NXPE2: variants seen among roughly 807,000 people sequenced by gnomAD.
NXPE2 encodes the protein NXPE family member 2.
NXPE2 carries 34 observed loss-of-function variants against 34.4 expected under a neutral mutation model. The ratio of observed to expected loss-of-function variants is 0.99; its 90% confidence interval spans 0.75 to 1.31. The LOEUF is 1.31. NXPE2 is among the 40% of genes most tolerant of loss of function. The pLI, the probability that NXPE2 is intolerant of heterozygous loss-of-function variation, is 0.00. For missense variants in NXPE2, 649 were observed against 672.5 expected (o/e 0.97, Z 0.39); for synonymous variants, 235 against 231.3 (o/e 1.02, Z -0.15).
the NXPE2 span, among the ~76,000 whole-genome samples, chr11:114,806,292 C>T: frequency 6.6e-6 from 1 of 152,214 alleles, no homozygotes; most frequent in South Asian, 2.1e-4. Context: ...GAGCGCCTCT[C>T]CTCCTCCAAA....
chr11:114,768,115 A>G, the NXPE2 span, among the ~76,000 whole-genome samples: 2 of 72,166 alleles, frequency 2.8e-5, no homozygotes, highest in African/African-American at 7.0e-5. Context: ...GTCCAGTTTC[A>G]GTTTTCTGCA....
the NXPE2 span, among the ~76,000 whole-genome samples, chr11:114,614,041 T>C: frequency 6.6e-6 from 1 of 151,862 alleles, no homozygotes; most frequent in Non-Finnish European, 1.5e-5. Flanking sequence ...TAACCACTGT[T>C]ACCCGGTGAA....
downstream of NXPE2, among the ~76,000 whole-genome samples, chr11:114,711,507 A>T (rs79418550): frequency 0.04 from 6,120 of 152,210 alleles, 357 homozygotes; most frequent in African/African-American, 0.14. Context: ...TAAGAAAACA[A>T]TCCCATTTCT....
chr11:114,560,830 C>T, the NXPE2 span, among the ~76,000 whole-genome samples: 10 of 152,124 alleles, frequency 6.6e-5, no homozygotes, highest in Non-Finnish European at 1.5e-4. Flanking sequence ...TTACTGTCTC[C>T]ATGGTTTTGA....
chr11:114,793,474 G>A, the NXPE2 span, among the ~76,000 whole-genome samples: 1 of 152,118 alleles, frequency 6.6e-6, no homozygotes, highest in Non-Finnish European at 1.5e-5. Context: ...TTATTGTTTG[G>A]AACTGACTGT....
At chr11:114,566,618 T>A in the NXPE2 span, among the ~76,000 whole-genome samples, 2 of 152,130 alleles carry the variant, frequency 1.3e-5, no homozygotes, top group African/African-American at 4.8e-5. Flanking sequence ...CAAAAAACTA[T>A]ATGTTTTCAA....
the NXPE2 span, among the ~76,000 whole-genome samples, chr11:114,665,812 T>C: frequency 6.6e-6 from 1 of 152,152 alleles, no homozygotes; most frequent in Non-Finnish European, 1.5e-5. Flanking sequence ...TCCCTTCCTA[T>C]CACATTACTG....
At chr11:114,795,215 G>T in the NXPE2 span, among the ~76,000 whole-genome samples, 1,491 of 152,272 alleles carry the variant, frequency 9.8e-3, 20 homozygotes, top group African/African-American at 0.033. Flanking sequence ...GTTTGCAAGT[G>T]GTTGGAGAAG....
At chr11:114,725,471 A>G in the NXPE2 span, among the ~76,000 whole-genome samples, 31,888 of 151,822 alleles carry the variant, frequency 0.21, 3,924 homozygotes, top group South Asian at 0.29. Flanking sequence ...GATAAAACCT[A>G]TGGTCAATAC....
rs1591447049 is a variant in NXPE2 at position 114,706,071 on chromosome 11, T to C, written c.1144+75T>C. On this transcript the variant is annotated intron_variant, in intron 5 of 5. Transcript: ENST00000389586. ...TGAAATAATAATTAGAATTATTTGC[T>C]TTTCTTTTCTAATATTTATTTTATT... 1.2e-5 allele frequency: 7 copies of C among 567,770 alleles called. No individual in the cohort carries two copies. In the East Asian group the frequency reaches 2.5e-4, roughly 20 times the overall value. 35.2% of individuals were successfully genotyped at this position (567,770 alleles called of 1,614,324 possible).
chr11:114,603,925 C>T, the NXPE2 span, among the ~76,000 whole-genome samples: 29 of 151,016 alleles, frequency 1.9e-4, no homozygotes, highest in South Asian at 2.9e-3. Flanking sequence ...CTGCTAATAC[C>T]TGGTGGATAA....
chr11:114,643,357 C>A, the NXPE2 span, among the ~76,000 whole-genome samples: 4 of 152,150 alleles, frequency 2.6e-5, no homozygotes, highest in African/African-American at 9.6e-5. Flanking sequence ...ATGGTACTGC[C>A]TAGGTTTTCT....
At chr11:114,751,465 T>C in the NXPE2 span, among the ~76,000 whole-genome samples, 1 of 152,124 alleles carries the variant, frequency 6.6e-6, no homozygotes, top group Non-Finnish European at 1.5e-5. Context: ...ATTAGTTCAG[T>C]GATATATCAG....
chr11:114,799,502 G>A, the NXPE2 span, among the ~76,000 whole-genome samples: 21 of 152,264 alleles, frequency 1.4e-4, no homozygotes, highest in African/African-American at 5.1e-4. Context: ...ATAAGCCAGT[G>A]GGCACTTTGA....
chr11:114,581,646 G>A, the NXPE2 span: 5 of 1,201,394 alleles, frequency 4.2e-6, no homozygotes, highest in Non-Finnish European at 6.1e-6. Flanking sequence ...CTGAAACAGT[G>A]AACAAATCCA....
intron 4 of NXPE2, among the ~76,000 whole-genome samples, chr11:114,705,334 C>A (rs750296866): frequency 6.6e-6 from 1 of 152,214 alleles, no homozygotes; most frequent in Non-Finnish European, 1.5e-5. Context: ...GTGACACACT[C>A]ATTTCATAAA....
At chr11:114,581,015 T>C in the NXPE2 span, among the ~76,000 whole-genome samples, 1 of 152,210 alleles carries the variant, frequency 6.6e-6, no homozygotes. Context: ...ATGAGTGTAC[T>C]CATGTATGTG....
the NXPE2 span, among the ~76,000 whole-genome samples, chr11:114,790,649 C>T: frequency 6.6e-6 from 1 of 152,304 alleles, no homozygotes; most frequent in East Asian, 1.9e-4. Flanking sequence ...CAGGAGTCCT[C>T]CCTGCTCCTC....
the NXPE2 span, among the ~76,000 whole-genome samples, chr11:114,466,896 T>C: frequency 2.6e-5 from 4 of 152,210 alleles, no homozygotes; most frequent in African/African-American, 7.2e-5. Context: ...GTGGCCCCGA[T>C]TGCAGAATTG....
Sources: allele counts gnomAD v4.1 joint callset (sites outside exome capture counted in the v4.1 genomes callset), GRCh38; gene constraint gnomAD v4.1.1; transcripts MANE v1.5; gene names NCBI Gene and HGNC (gene_info 2026-07-23, HGNC 2026-07-21).